The following TLK1 variants were observed in gnomAD, a reference collection of about 807,000 sequenced individuals.
The protein encoded by TLK1 is serine/threonine-protein kinase tousled-like 1.
TLK1 carries 24 observed loss-of-function variants against 105.3 expected under a neutral mutation model. That is an observed-to-expected ratio of 0.23 (90% CI 0.17 to 0.32). TLK1 has a LOEUF of 0.32. Among genes scored for constraint, TLK1 ranks in the 10% least tolerant of loss-of-function variants. The pLI is 1.00. For synonymous variants in TLK1, 321 were observed against 310.4 expected, an observed-to-expected ratio of 1.03 and a Z score of -0.36; for missense variants, 558 against 910.5, an observed-to-expected ratio of 0.61 and a Z score of 4.98.
At chr2:171,155,827 A>C (rs1251384740) in intron 1 of TLK1, 2 of 152,192 alleles carry the variant, frequency 1.3e-5, no homozygotes, top group Non-Finnish European at 2.9e-5. Flanking sequence ...AATTAGACTG[A>C]CCTCAATGTC....
chr2:171,214,530 C>A (rs577598742), intron 1 of TLK1, among the ~76,000 whole-genome samples: 1 of 152,296 alleles, frequency 6.6e-6, no homozygotes, highest in South Asian at 2.1e-4. Context: ...CAGTGGTTCT[C>A]AAACTGGAGT....
At chr2:171,051,501 GAT>G (rs1352615418) in intron 8 of TLK1, among the ~76,000 whole-genome samples, 1 of 152,048 alleles carries the variant, frequency 6.6e-6, no homozygotes, top group East Asian at 1.9e-4. Flanking sequence ...TTAGAACACA[GAT>G]ATAATTGTGA....
At chr2:171,026,326 T>C (rs927981673) in intron 12 of TLK1, among the ~76,000 whole-genome samples, 2 of 152,266 alleles carry the variant, frequency 1.3e-5, no homozygotes, top group South Asian at 4.1e-4. Flanking sequence ...TTTATAAAAG[T>C]GTTTTTCACA....
intron 1 of TLK1, among the ~76,000 whole-genome samples, chr2:171,218,524 A>G (rs1256599432): frequency 6.6e-6 from 1 of 151,952 alleles, no homozygotes; most frequent in Non-Finnish European, 1.5e-5. Context: ...ATGCTGCTAT[A>G]ACACAATACC....
chr2:170,994,355 T>G (rs965990047), intron 20 of TLK1, among the ~76,000 whole-genome samples: 1 of 152,132 alleles, frequency 6.6e-6, no homozygotes, highest in Non-Finnish European at 1.5e-5. Flanking sequence ...TTTTTCCTAC[T>G]GACATAAAGA....
intron 4 of TLK1, among the ~76,000 whole-genome samples, chr2:171,060,299 C>T (rs765721843): frequency 6.6e-6 from 1 of 152,156 alleles, no homozygotes; most frequent in Non-Finnish European, 1.5e-5. Flanking sequence ...GGAGGCTACA[C>T]TAAGACCAAA....
At chr2:171,012,488 TA>T (rs945570499) in intron 13 of TLK1, among the ~76,000 whole-genome samples, 1 of 152,100 alleles carries the variant, frequency 6.6e-6, no homozygotes, top group African/African-American at 2.4e-5. Context: ...TTTATTTATT[TA>T]TTTTTTTATT....
In TLK1 at chr2:171,055,083, C is replaced by A; in HGVS notation, c.639G>T (p.Gln213His). 2 of 1,454,490 alleles carry A rather than the reference C, an allele frequency of 1.4e-6. No individual in the cohort carries two copies. The highest frequency in any genetic ancestry group is 1.8e-6 in the Non-Finnish European group (2 of 1,104,000). The allele number at this position is 1,454,490 out of a possible 1,614,324, so 90.1% of individuals were successfully genotyped here. A position where few individuals can be genotyped will look rare whatever the true frequency, so the allele number is the denominator to read the frequency against. The change falls in exon 7 of 21, where the codon CAG becomes CAT. Residue 213 changes from glutamine (Q) to histidine (H), a missense_variant and splice_region_variant. This residue lies in a region of TLK1 where 196 missense variants were observed against 239.3 expected (regional missense o/e 0.82). Transcript: ENST00000431350. ...AAAAAACATTTTAATTATCATTTAC[C>A]TGAATAATTTTAAAGGATAATTGCT... is the stretch of plus-strand genomic sequence containing the variant. ...QPKQLSFKII[Q>H]TDLTMLKLAA...
chr2:171,073,809 C>T (rs1688366808), intron 3 of TLK1, among the ~76,000 whole-genome samples: 1 of 150,988 alleles, frequency 6.6e-6, no homozygotes, highest in African/African-American at 2.4e-5. Context: ...TTCACAGGAA[C>T]TTTTAAGTCT....
At chr2:171,135,781 G>A (rs995378156) in intron 1 of TLK1, among the ~76,000 whole-genome samples, 2 of 151,516 alleles carry the variant, frequency 1.3e-5, no homozygotes, top group East Asian at 1.9e-4. Flanking sequence ...CAACGTGGGC[G>A]ACAAGAAAAA....
chr2:171,210,354 C>A (rs767720173), intron 1 of TLK1, among the ~76,000 whole-genome samples: 17 of 151,558 alleles, frequency 1.1e-4, no homozygotes, highest in Non-Finnish European at 2.4e-4. Flanking sequence ...AGAATGAACT[C>A]CTGGGCTCAA....
chr2:171,172,771 C>T (rs1480008894), intron 1 of TLK1, among the ~76,000 whole-genome samples: 4 of 152,188 alleles, frequency 2.6e-5, no homozygotes, highest in Admixed American at 2.6e-4. Context: ...AGAAGCCACG[C>T]AGATGTCAGC....
chr2:171,077,687 T>C lies in TLK1; in HGVS notation c.330+5094A>G, dbSNP rs577634941. 2.0e-5 allele frequency among the ~76,000 whole-genome samples: 3 copies of C among 152,324 alleles called. No homozygotes were observed. The South Asian group carries it at 6.2e-4, about 32-fold the overall frequency. Reference sequence around the variant, plus strand: ...GGATCCCTCTGTAACTTTTAAAAAATTGTTAAGGACCCCAAAGAGCTTTTA... The same window carrying C: ...GGATCCCTCTGTAACTTTTAAAAAACTGTTAAGGACCCCAAAGAGCTTTTA... On this transcript the variant is annotated intron_variant, in intron 3 of 20. Coordinates refer to ENST00000431350, the MANE Select transcript of TLK1 (RefSeq NM_012290.5).
At position 170,993,772 on chromosome 2, in the gene TLK1, G is replaced by A. The variant is rs143671860; in HGVS notation, c.*8C>T. 6.4e-6 allele frequency: 10 copies of A among 1,555,364 alleles called. No homozygotes were observed. Among genetic ancestry groups the A allele is most frequent in the Non-Finnish European group, 8.7e-6 (10 of 1,149,398 alleles). On this transcript the variant is annotated 3_prime_UTR_variant, in exon 21 of 21. Coordinates refer to ENST00000431350, the MANE Select transcript of TLK1 (RefSeq NM_012290.5). ...ATTCAAAGATATCATGCCAATCTTG[G>A]AGGAAAGTCAGTAAGTAATTATGCT... is the stretch of plus-strand genomic sequence containing the variant.
Position 171,117,866 on chromosome 2 carries a change from A to G in TLK1, c.140-9T>C. On this transcript the variant is annotated splice_polypyrimidine_tract_variant and intron_variant, in intron 1 of 20. Transcript: ENST00000431350. ...AAGCTCATCCATTGCACCTATTAAG[A>G]AAAAAAAATATATATGTACACATAT... 2 of 1,544,380 alleles carry G rather than the reference A, an allele frequency of 1.3e-6. No homozygotes were observed. The highest frequency in any genetic ancestry group is 1.8e-6 in the Non-Finnish European group (2 of 1,130,956).
chr2:171,058,907 TAA>T lies in TLK1; in HGVS notation c.407-712_407-711del, dbSNP rs1687622769. 2.0e-5 allele frequency among the ~76,000 whole-genome samples: 3 copies of T among 152,308 alleles called. No homozygotes were observed. The South Asian group carries it at 6.2e-4, about 32-fold the overall frequency. On this transcript the variant is annotated intron_variant, in intron 4 of 20. Transcript: ENST00000431350. ...ATATCACAAAGTCAAAAGCTTTGCT[TAA>T]TATAAACATACATATATTTGTTAAT...
chr2:171,090,994 A>G (rs1259168681), intron 2 of TLK1, among the ~76,000 whole-genome samples: 3 of 152,254 alleles, frequency 2.0e-5, no homozygotes, highest in Admixed American at 1.3e-4. Flanking sequence ...GATGGCCATC[A>G]TATCAGAAAC....
At chr2:171,135,271 C>T (rs1476959044) in intron 1 of TLK1, among the ~76,000 whole-genome samples, 1 of 151,016 alleles carries the variant, frequency 6.6e-6, no homozygotes, top group African/African-American at 2.4e-5. Context: ...TGTTAATTAG[C>T]TTTGTTTAAT....
intron 1 of TLK1, among the ~76,000 whole-genome samples, chr2:171,169,684 T>G (rs545536242): frequency 6.6e-6 from 1 of 152,264 alleles, no homozygotes; most frequent in African/African-American, 2.4e-5. Flanking sequence ...TTTATAGGAA[T>G]AGCAAGTACT....
Sources: allele counts gnomAD v4.1 joint callset (sites outside exome capture counted in the v4.1 genomes callset), GRCh38; gene constraint gnomAD v4.1.1; regional missense constraint gnomAD v4.1.1; transcripts MANE v1.5; gene names NCBI Gene and HGNC (gene_info 2026-07-23, HGNC 2026-07-21).